FAR2: variants seen among roughly 807,000 people sequenced by gnomAD.
FAR2 encodes the protein epididymis secretory protein Li 81.
Under a neutral mutation model 56.0 loss-of-function variants are expected in FAR2, and 19 were observed. The ratio of observed to expected loss-of-function variants is 0.34; its 90% CI spans 0.24 to 0.50. FAR2 has a LOEUF of 0.50. Among genes scored for constraint, FAR2 ranks in the 20% least tolerant of loss-of-function variants. FAR2 has a pLI of 0.98. For missense variants in FAR2, 508 were observed against 642.2 expected, an observed-to-expected ratio of 0.79 and a Z score of 2.26; for synonymous variants, 219 against 218.8, an observed-to-expected ratio of 1.00 and a Z score of -0.01.
chr12:29,189,917 C>T (rs1950086583), intron 1 of FAR2, among the ~76,000 whole-genome samples: 1 of 151,970 alleles, frequency 6.6e-6, no homozygotes, highest in South Asian at 2.1e-4. Flanking sequence ...GGAGCTGATT[C>T]CAGACAGACT....
In FAR2 at chr12:29,173,501, C is replaced by T. The variant is rs1367673650; in HGVS notation, c.-39+24094C>T. 2.6e-5 allele frequency among the ~76,000 whole-genome samples: 4 copies of T among 152,122 alleles called. No individual in the cohort carries two copies. In the East Asian group the frequency reaches 7.7e-4, roughly 29 times the overall value. On this transcript the variant is annotated intron_variant, in intron 1 of 11. Transcript: ENST00000536681. ...GTATTTCACTCCATTTACCTTCCCTCTTACAGAAAAGATCAAGCTGCAGGA... is the reference window on the plus strand; with the variant it reads ...GTATTTCACTCCATTTACCTTCCCTTTTACAGAAAAGATCAAGCTGCAGGA...
At chr12:29,328,812 C>A (rs1296566647) in intron 10 of FAR2, among the ~76,000 whole-genome samples, 1 of 151,588 alleles carries the variant, frequency 6.6e-6, no homozygotes, top group Non-Finnish European at 1.5e-5. Flanking sequence ...TTAATGCGTG[C>A]AGCACACCAA....
At position 29,316,981 on chromosome 12, in the gene FAR2, T is replaced by A. The variant is rs1323216709; in HGVS notation, c.1096T>A (p.Cys366Ser). Reference sequence around the variant, plus strand: ...CCGGGCCCCTGCCATTATCTATGACTGCTATCTGCGGCTCACTGGAAGGAA... The same window carrying A: ...CCGGGCCCCTGCCATTATCTATGACAGCTATCTGCGGCTCACTGGAAGGAA... The part of the protein sequence containing the change: ...SHRAPAIIYD[C>S]YLRLTGRKPR... Residue 366 changes from cysteine (C) to serine (S), a missense_variant, in exon 9 of 12, where the codon TGC becomes AGC. Transcript: ENST00000536681. 22 of 1,613,694 alleles carry A rather than the reference T, an allele frequency of 1.4e-5. No homozygotes were observed. Among genetic ancestry groups the A allele is most frequent in the Non-Finnish European group, 1.7e-5 (20 of 1,179,690 alleles).
At chr12:29,171,211 G>A (rs1216577425) in intron 1 of FAR2, among the ~76,000 whole-genome samples, 2 of 152,212 alleles carry the variant, frequency 1.3e-5, no homozygotes, top group Non-Finnish European at 2.9e-5. Context: ...CAATGAGCTG[G>A]TGCTTGCCCC....
chr12:29,292,263 C>T (rs2136748762), intron 2 of FAR2: 1 of 152,336 alleles, frequency 6.6e-6, no homozygotes, highest in African/African-American at 2.4e-5. Context: ...CTGAAACCAT[C>T]TCCTACTTCT....
Position 29,162,010 on chromosome 12 carries a change from G to A in FAR2, c.-39+12603G>A, listed in dbSNP as rs529462595. ...AGTTATTTGTGGGTATACGTTATATGTTCTGGATACAATTCCTTTGTTAGA... is the reference window on the plus strand; with the variant it reads ...AGTTATTTGTGGGTATACGTTATATATTCTGGATACAATTCCTTTGTTAGA... On this transcript the variant is annotated intron_variant, in intron 1 of 11. Transcript: ENST00000536681. Among the ~76,000 whole-genome samples the A allele has an allele frequency of 7.9e-5, 12 of 152,294 alleles. No homozygotes were observed. The South Asian group carries it at 2.3e-3, about 29-fold the overall frequency.
intron 1 of FAR2, among the ~76,000 whole-genome samples, chr12:29,187,181 T>C (rs1950052537): frequency 6.6e-6 from 1 of 152,198 alleles, no homozygotes; most frequent in Non-Finnish European, 1.5e-5. Flanking sequence ...CTCCAGCTAA[T>C]AAAGTATTTA....
chr12:29,210,643 A>G (rs1014761009), intron 1 of FAR2, among the ~76,000 whole-genome samples: 2 of 152,214 alleles, frequency 1.3e-5, no homozygotes, highest in Non-Finnish European at 2.9e-5. Context: ...GGCCATTCCA[A>G]ATATGATTTC....
intron 2 of FAR2, among the ~76,000 whole-genome samples, chr12:29,283,757 G>A (rs1384615453): frequency 6.6e-6 from 1 of 152,146 alleles, no homozygotes; most frequent in Non-Finnish European, 1.5e-5. Context: ...CAGACCAAGG[G>A]TTTCCGAGCT....
Position 29,202,739 on chromosome 12 carries a change from C to G in FAR2, c.-39+53332C>G, listed in dbSNP as rs563594597. On this transcript the variant is annotated intron_variant, in intron 1 of 11. Transcript: ENST00000536681. ...CCTCCTTCCCTCTCTTTTGCTCCCT[C>G]TCTCTCCATGTGAGACACTGGCTCT... 8.0e-4 allele frequency among the ~76,000 whole-genome samples: 122 copies of G among 152,278 alleles called. 1 individual carries two copies. The highest frequency in any genetic ancestry group is 2.8e-3 in the African/African-American group (115 of 41,554).
intron 1 of FAR2, among the ~76,000 whole-genome samples, chr12:29,174,423 C>CTTTTTTTTTT (rs55827253): frequency 1.3e-4 from 7 of 55,436 alleles, no homozygotes; most frequent in South Asian, 1.0e-3. Flanking sequence ...GGTTTTTATT[C>CTTTTTTTTTT]TTTTTTTTTT....
At chr12:29,189,349 G>A (rs1490914650) in intron 1 of FAR2, among the ~76,000 whole-genome samples, 4 of 152,140 alleles carry the variant, frequency 2.6e-5, no homozygotes, top group Non-Finnish European at 5.9e-5. Context: ...GCTGGTGGGA[G>A]CTCTTTCAGG....
At chr12:29,297,224 C>A (rs752913061) in intron 4 of FAR2, 24 bp downstream of exon 4, 3 of 1,594,934 alleles carry the variant, frequency 1.9e-6, no homozygotes, top group Non-Finnish European at 1.7e-6. Context: ...ATAAAAGGAT[C>A]AAGGGGCGGG....
At chr12:29,190,289 G>T (rs7304251) in intron 1 of FAR2, among the ~76,000 whole-genome samples, 38,550 of 147,728 alleles carry the variant, frequency 0.26, 5,177 homozygotes, top group East Asian at 0.35. Flanking sequence ...GGGCTAGATG[G>T]GATAACCCAG....
intron 1 of FAR2, among the ~76,000 whole-genome samples, chr12:29,167,535 A>C (rs1284778603): frequency 6.6e-6 from 1 of 152,258 alleles, no homozygotes; most frequent in East Asian, 1.9e-4. Flanking sequence ...CAAACATTTC[A>C]TTTCACTAAC....
chr12:29,211,283 T>C (rs1352029945), intron 1 of FAR2, among the ~76,000 whole-genome samples: 1 of 152,114 alleles, frequency 6.6e-6, no homozygotes, highest in African/African-American at 2.4e-5. Context: ...GGAGCAATAC[T>C]CCGTCTCAAA....
At chr12:29,254,031 T>C (rs1591895331) in intron 1 of FAR2, among the ~76,000 whole-genome samples, 1 of 152,280 alleles carries the variant, frequency 6.6e-6, no homozygotes, top group Middle Eastern at 3.4e-3. Context: ...ATTGCTAAAT[T>C]TGGTGTTCTT....
intron 4 of FAR2, among the ~76,000 whole-genome samples, chr12:29,302,332 T>A (rs2136771232): frequency 6.6e-6 from 1 of 151,134 alleles, no homozygotes. Context: ...ACGGCAGAAT[T>A]ATACACGTGT....
intron 1 of FAR2, chr12:29,156,919 A>G (rs1406253828): frequency 6.6e-6 from 1 of 151,782 alleles, no homozygotes; most frequent in Non-Finnish European, 1.5e-5. Flanking sequence ...CTGTCATAAA[A>G]TATTTTCAGA....
Sources: allele counts gnomAD v4.1 joint callset (sites outside exome capture counted in the v4.1 genomes callset), GRCh38; gene constraint gnomAD v4.1.1; transcripts MANE v1.5; gene names NCBI Gene and HGNC (gene_info 2026-07-23, HGNC 2026-07-21).